The following TENM3 variants were observed in gnomAD, a reference collection of about 807,000 sequenced individuals.
The protein encoded by TENM3 is teneurin transmembrane protein 3, also known as teneurin-3.
TENM3 carries 63 observed loss-of-function variants against 255.1 expected under a neutral mutation model. The observed-to-expected ratio is 0.25, with a 90% CI of 0.20 to 0.30. The LOEUF is 0.30. Among genes scored for constraint, TENM3 ranks in the 10% least tolerant of loss-of-function variants. The pLI is 1.00. For synonymous variants in TENM3, 1,306 were observed against 1,322.3 expected (o/e 0.99, Z 0.27); for missense variants, 2,929 against 3,461.1 (o/e 0.85, Z 3.86).
chr4:182,639,923 C>G (rs1752153519), intron 5 of TENM3, among the ~76,000 whole-genome samples: 1 of 152,058 alleles, frequency 6.6e-6, no homozygotes. Context: ...AACCCCGTCT[C>G]TGCTAAAATA....
the TENM3 span, among the ~76,000 whole-genome samples, chr4:182,074,974 A>C: frequency 2.1e-5 from 3 of 143,506 alleles, no homozygotes; most frequent in Non-Finnish European, 4.6e-5. Context: ...AGATTATGGC[A>C]TAAGAGGCTG....
intron 19 of TENM3, among the ~76,000 whole-genome samples, chr4:182,746,462 C>T (rs993995145): frequency 2.0e-5 from 3 of 152,076 alleles, no homozygotes; most frequent in African/African-American, 7.2e-5. Context: ...ATCAGACCCA[C>T]CTGAATGGAA....
intron 4 of TENM3, among the ~76,000 whole-genome samples, chr4:182,627,543 G>T (rs1416752603): frequency 1.1e-5 from 1 of 94,200 alleles, no homozygotes; most frequent in Non-Finnish European, 2.3e-5. Flanking sequence ...ATATCAGATT[G>T]GAAGATCTCT....
the TENM3 span, among the ~76,000 whole-genome samples, chr4:181,884,848 A>G: frequency 1.8e-4 from 28 of 152,190 alleles, no homozygotes; most frequent in African/African-American, 6.7e-4. Context: ...TTCCTTTGAT[A>G]CTATTCCTTT....
the TENM3 span, among the ~76,000 whole-genome samples, chr4:182,044,438 A>AT: frequency 6.6e-6 from 1 of 152,220 alleles, no homozygotes; most frequent in Admixed American, 6.5e-5. Context: ...TCCTAAGGTC[A>AT]CGCAGATATT....
the TENM3 span, among the ~76,000 whole-genome samples, chr4:181,922,710 A>T: frequency 1.3e-5 from 2 of 151,174 alleles, no homozygotes; most frequent in Non-Finnish European, 3.0e-5. Flanking sequence ...AATTTTTTGA[A>T]GGGTTTTTTG....
intron 1 of TENM3, among the ~76,000 whole-genome samples, chr4:182,249,311 A>G (rs1276107195): frequency 6.6e-6 from 1 of 152,236 alleles, no homozygotes; most frequent in East Asian, 1.9e-4. Flanking sequence ...TGACATTGTT[A>G]AAATGATTAG....
intron 13 of TENM3, among the ~76,000 whole-genome samples, chr4:182,724,513 CT>C (rs1402029403): frequency 6.6e-6 from 1 of 152,230 alleles, no homozygotes; most frequent in Non-Finnish European, 1.5e-5. Flanking sequence ...AAAATGAGAT[CT>C]TTCTCTGATT....
At chr4:181,827,578 G>A in the TENM3 span, among the ~76,000 whole-genome samples, 1 of 152,168 alleles carries the variant, frequency 6.6e-6, no homozygotes, top group African/African-American at 2.4e-5. Context: ...TCCAGTTCAA[G>A]CAATGTCTTC....
At chr4:182,445,174 C>T (rs1490250564) in intron 3 of TENM3, among the ~76,000 whole-genome samples, 1 of 152,174 alleles carries the variant, frequency 6.6e-6, no homozygotes. Flanking sequence ...AAGCGGCAGG[C>T]TCCTGAGTCC....
chr4:182,800,387 G>A lies in TENM3; in HGVS notation c.*36G>A. 16 of 1,527,220 alleles carry A rather than the reference G, an allele frequency of 1.0e-5. No individual in the cohort carries two copies. Among genetic ancestry groups the A allele is most frequent in the African/African-American group, 1.4e-5 (1 of 72,730 alleles). The allele number at this position is 1,527,220 out of a possible 1,614,324, so 94.6% of individuals were successfully genotyped here. A position where few individuals can be genotyped will look rare whatever the true frequency, so the allele number is the denominator to read the frequency against. ...GCGCCCGCCGAGCCGCTCACGCCCTGCCCACATTGTCCTGTGGCACAACCC... is the reference window on the plus strand; with the variant it reads ...GCGCCCGCCGAGCCGCTCACGCCCTACCCACATTGTCCTGTGGCACAACCC... On this transcript the variant is annotated 3_prime_UTR_variant, in exon 28 of 28. Transcript: ENST00000511685.
At chr4:181,894,413 G>T in the TENM3 span, among the ~76,000 whole-genome samples, 4 of 152,204 alleles carry the variant, frequency 2.6e-5, no homozygotes, top group South Asian at 6.2e-4. Flanking sequence ...TCATTTACAG[G>T]CCTGGCGTGA....
rs574365802 is a variant in TENM3 at position 182,367,646 on chromosome 4, AG to A, written c.511+20718del. Reference sequence around the variant, plus strand: ...ACCTGGAGAAATGTTCCTGTAATAGAGAGAGGAAAAAAGGAAAAGCCATAGA... The same window carrying A: ...ACCTGGAGAAATGTTCCTGTAATAGAAGAGGAAAAAAGGAAAAGCCATAGA... On this transcript the variant is annotated intron_variant, in intron 3 of 27. Coordinates refer to ENST00000511685, the MANE Select transcript of TENM3 (RefSeq NM_001080477.4). 2.6e-4 allele frequency among the ~76,000 whole-genome samples: 40 copies of A among 152,240 alleles called. 2 individuals are homozygous for A. The South Asian group carries it at 7.9e-3, about 30-fold the overall frequency.
Position 182,597,529 on chromosome 4 carries a change from A to G in TENM3, c.512-3395A>G, listed in dbSNP as rs577745369. On this transcript the variant is annotated intron_variant, in intron 3 of 27. Transcript: ENST00000511685. Reference sequence around the variant, plus strand: ...TTCGATCTTAAAAATACTCTAAATCATGCAACTGATTATGTTTCCCTCTTT... The same window carrying G: ...TTCGATCTTAAAAATACTCTAAATCGTGCAACTGATTATGTTTCCCTCTTT... Among the ~76,000 whole-genome samples, 145 of 152,328 alleles carry G rather than the reference A, an allele frequency of 9.5e-4. 1 individual carries two copies. The highest frequency in any genetic ancestry group is 3.4e-3 in the African/African-American group (141 of 41,574).
At position 182,298,984 on chromosome 4, in the gene TENM3, C is replaced by CAAAAAAAAA. The variant is rs11283401; in HGVS notation, c.-75-24938_-75-24930dup. On this transcript the variant is annotated intron_variant, in intron 1 of 27. Transcript: ENST00000511685. The stretch of plus-strand genomic sequence containing the variant: ...TGGGCAACAGAGCAAGACTCCTTCT[C>CAAAAAAAAA]AAAAAAAAAAAAAAAAAAAAAAAAA... Among the ~76,000 whole-genome samples, 49 of 25,554 alleles carry CAAAAAAAAA rather than the reference C, an allele frequency of 1.9e-3. 7 individuals carry two copies. Among genetic ancestry groups the CAAAAAAAAA allele is most frequent in the Admixed American group, 3.8e-3 (5 of 1,316 alleles). The allele number at this position is 25,554 out of a possible 152,430, so 16.8% of individuals were successfully genotyped here. A position where few individuals can be genotyped will look rare whatever the true frequency, so the allele number is the denominator to read the frequency against.
chr4:182,222,526 G>A (rs1755905609), intron 1 of TENM3, among the ~76,000 whole-genome samples: 1 of 152,158 alleles, frequency 6.6e-6, no homozygotes, highest in South Asian at 2.1e-4. Flanking sequence ...AGGAGGAAAT[G>A]TGTTAATACA....
chr4:182,628,158 A>T (rs1751011015), intron 4 of TENM3, among the ~76,000 whole-genome samples: 1 of 152,202 alleles, frequency 6.6e-6, no homozygotes, highest in Admixed American at 6.5e-5. Context: ...GTTTCCATGG[A>T]CATCCAGAAA....
At chr4:181,485,771 TA>T in the TENM3 span, among the ~76,000 whole-genome samples, 2 of 152,138 alleles carry the variant, frequency 1.3e-5, no homozygotes, top group East Asian at 1.9e-4. Flanking sequence ...AACAGGGAAT[TA>T]GTTTAAAAAT....
At chr4:181,763,746 A>G in the TENM3 span, among the ~76,000 whole-genome samples, 29 of 152,352 alleles carry the variant, frequency 1.9e-4, no homozygotes, top group East Asian at 4.1e-3. Context: ...GCTGATAAGT[A>G]TCCCTTTTAG....
Sources: gnomAD v4.1 joint callset for allele counts (sites outside exome capture counted in the v4.1 genomes callset) on GRCh38, gnomAD v4.1.1 for gene constraint, MANE v1.5 for transcripts, NCBI Gene and HGNC (gene_info 2026-07-23, HGNC 2026-07-21) for gene names.